Variants in POLR3C observed in about 807,000 individuals in gnomAD.
POLR3C encodes DNA-directed RNA polymerase III subunit RPC3.
In POLR3C, 44 loss-of-function variants were observed where a neutral mutation model predicts 65.9. The observed-to-expected ratio is 0.67, with a 90% CI of 0.52 to 0.86. POLR3C has a LOEUF of 0.86. Among genes scored for constraint, POLR3C ranks in the 40% least tolerant of loss-of-function variants. The pLI, the probability that POLR3C is intolerant of heterozygous loss-of-function variation, is 0.00. For synonymous variants in POLR3C, 263 were observed against 231.6 expected (o/e 1.14, Z -1.23); for missense variants, 576 against 653.2 (o/e 0.88, Z 1.29).
chr1:145,842,202 ACT>A, intron 14 of POLR3C, 135 bp from the exon 15 acceptor site: 1 of 611,580 alleles, frequency 1.6e-6, no homozygotes, highest in Non-Finnish European at 2.9e-6. Flanking sequence ...AAAATGATCT[ACT>A]GGTTCTCCTG....
rs782451212 is a variant in POLR3C at position 145,833,343 on chromosome 1, A to G, written c.762A>G (p.Ala254=). The change falls in exon 6 of 15, where the codon GCA becomes GCG. Residue 254 remains alanine (A), a synonymous_variant. Coordinates refer to ENST00000334163, the MANE Select transcript of POLR3C (RefSeq NM_006468.8). ...TCCGTGACCAAGCCATTGTGAGCGC[A>G]GTTGCTAACAGGATGGACCAGGTAA... is the stretch of plus-strand genomic sequence containing the variant. ...QHFRDQAIVS[A]VANRMDQTSS... is the part of the protein sequence containing the mutation. 3 of 1,611,390 alleles carry G rather than the reference A, an allele frequency of 1.9e-6. No individual in the cohort carries two copies. The highest frequency in any genetic ancestry group is 2.2e-5 in the South Asian group (2 of 90,954).
rs587718934 is a variant in POLR3C at position 145,829,447 on chromosome 1, T to A, written c.678+610T>A. On this transcript the variant is annotated intron_variant, in intron 5 of 14. Coordinates refer to ENST00000334163, the MANE Select transcript of POLR3C (RefSeq NM_006468.8). ...ACCATTTCTCATCTTTTCACTGCCA[T>A]CTCTCAACTCTTTGCAAACGCTTTC... is the stretch of plus-strand genomic sequence containing the variant. 2.0e-5 allele frequency among the ~76,000 whole-genome samples: 3 copies of A among 152,350 alleles called. No individual in the cohort carries two copies. In the South Asian group the frequency reaches 6.2e-4, roughly 32 times the overall value.
rs190301634 is a variant in POLR3C at position 145,829,950 on chromosome 1, T to A, written c.678+1113T>A. ...TATTTATAACTGGAATTATTTATTA[T>A]TTGTGTACATGTTTGTCTAAGAGGT... On this transcript the variant is annotated intron_variant, in intron 5 of 14. Coordinates refer to ENST00000334163, the MANE Select transcript of POLR3C (RefSeq NM_006468.8). Among the ~76,000 whole-genome samples, 8 of 152,344 alleles carry A rather than the reference T, an allele frequency of 5.3e-5. No homozygotes were observed. In the East Asian group the frequency reaches 1.5e-3, roughly 29 times the overall value.
intron 8 of POLR3C, 88 bp from the exon 9 acceptor site, chr1:145,836,727 T>C: frequency 1.0e-6 from 1 of 987,348 alleles, no homozygotes; most frequent in South Asian, 1.3e-5. Context: ...GAGGGCTACC[T>C]GCTGCAGACT....
At chr1:145,825,363 G>A (rs1482119927) in intron 1 of POLR3C, among the ~76,000 whole-genome samples, 1 of 152,112 alleles carries the variant, frequency 6.6e-6, no homozygotes, top group East Asian at 1.9e-4. Flanking sequence ...CGCCCACCTC[G>A]GTCTCCCAAA....
rs781937336 is a variant in POLR3C, at chr1:145,839,897, C to A, written c.1229C>A (p.Pro410His). Residue 410 changes from proline to histidine, a missense_variant, in exon 12 of 15, where the codon CCC becomes CAC. Pro to His is a moderately conservative substitution (Grantham distance 77, BLOSUM62 -2). Transcript: ENST00000334163. ...SENFMSLQEI[P>H]KTPDHAPSRT... ...TTTCTATTGGACAAATAGGAAATTC[C>A]CAAAACACCAGACCATGCCCCATCC... 1 of 1,586,596 alleles carries A rather than the reference C, an allele frequency of 6.3e-7. No individual in the cohort carries two copies. Among genetic ancestry groups the A allele is most frequent in the Non-Finnish European group, 8.7e-7 (1 of 1,155,272 alleles).
intron 11 of POLR3C, chr1:145,839,577 T>G (rs1652123625): frequency 4.4e-6 from 1 of 225,974 alleles, no homozygotes; most frequent in South Asian, 9.8e-5. Flanking sequence ...CCCAAAAGAT[T>G]AAAAAATTAG....
chr1:145,831,821 C>G (rs1455807263), intron 5 of POLR3C, among the ~76,000 whole-genome samples: 1 of 152,116 alleles, frequency 6.6e-6, no homozygotes, highest in Non-Finnish European at 1.5e-5. Flanking sequence ...GCGGGCAGAT[C>G]GCTTGAGCCT....
intron 13 of POLR3C, 112 bp from the exon 14 acceptor site, chr1:145,840,810 A>T: frequency 1.5e-6 from 1 of 656,486 alleles, no homozygotes; most frequent in Non-Finnish European, 2.6e-6. Flanking sequence ...AGGTGACATT[A>T]TCTACTTTGA....
chr1:145,831,531 AG>A (rs1202337212), intron 5 of POLR3C, among the ~76,000 whole-genome samples: 4 of 147,182 alleles, frequency 2.7e-5, no homozygotes, highest in African/African-American at 9.9e-5. Flanking sequence ...AAAAAAAAAA[AG>A]AGAGAGTTCT....
chr1:145,841,068 A>C lies in POLR3C; in HGVS notation c.1520A>C (p.Asn507Thr). The change falls in exon 14 of 15, where the codon AAC (asparagine) becomes ACC (threonine). Residue 507 changes from asparagine (N) to threonine (T), a missense_variant. Asn to Thr is a moderately conservative substitution (Grantham distance 65, BLOSUM62 0). Coordinates refer to ENST00000334163, the MANE Select transcript of POLR3C (RefSeq NM_006468.8). ...QQLETLKRNV[N>T]KLDASEIQVD... ...CTAGAGACCCTGAAACGTAATGTCA[A>C]CAAGTAAGCATCATAAACTTCAGAC... 6.2e-7 allele frequency: 1 copy of C among 1,613,482 alleles called. No individual in the cohort carries two copies. Among genetic ancestry groups the C allele is most frequent in the African/African-American group, 1.3e-5 (1 of 75,048 alleles).
chr1:145,831,371 C>A (rs949078916), intron 5 of POLR3C, among the ~76,000 whole-genome samples: 1 of 151,886 alleles, frequency 6.6e-6, no homozygotes, highest in African/African-American at 2.4e-5. Flanking sequence ...AAAAATTAGC[C>A]ATGCATGGTG....
At chr1:145,830,079 TC>T (rs1477054699) in intron 5 of POLR3C, among the ~76,000 whole-genome samples, 1 of 152,172 alleles carries the variant, frequency 6.6e-6, no homozygotes, top group East Asian at 1.9e-4. Flanking sequence ...GCACAGCAGT[TC>T]CTAACTTGTT....
intron 7 of POLR3C, among the ~76,000 whole-genome samples, chr1:145,835,191 G>C (rs145166092): frequency 6.8e-6 from 1 of 147,160 alleles, no homozygotes; most frequent in Non-Finnish European, 1.5e-5. Flanking sequence ...GCTCACACCC[G>C]TAATCCCAGT....
rs1382537671 is a variant in POLR3C, at chr1:145,843,142, C to T, written c.*722C>T. 6.6e-6 allele frequency among the ~76,000 whole-genome samples: 1 copy of T among 152,144 alleles called. No homozygotes were observed. Among genetic ancestry groups the T allele is most frequent in the Non-Finnish European group, 1.5e-5 (1 of 68,038 alleles). ...GGGTTAGCAGGTGGATTGTCCCAAG[C>T]AGTCACACTAGAATCTGTGGACTGA... On this transcript the variant is annotated 3_prime_UTR_variant, in exon 15 of 15. Transcript: ENST00000334163.
At position 145,833,251 on chromosome 1, in the gene POLR3C, T is replaced by C. The variant is rs9286837; in HGVS notation, c.679-9T>C. 5.0e-3 allele frequency: 7,832 copies of C among 1,555,550 alleles called. 326 individuals are homozygous for C. The African/African-American group carries it at 0.092, about 18-fold the overall frequency. On this transcript the variant is annotated splice_polypyrimidine_tract_variant and intron_variant, in intron 5 of 14. Coordinates refer to ENST00000334163, the MANE Select transcript of POLR3C (RefSeq NM_006468.8). ...TATAGCTAAATGTTTCTCTAAATCT[T>C]TTCCTCAGCCCATTCCAGATGATGG...
intron 5 of POLR3C, 42 bp downstream of exon 5, chr1:145,828,879 GC>G: frequency 9.8e-7 from 1 of 1,018,848 alleles, no homozygotes; most frequent in Non-Finnish European, 1.6e-6. Flanking sequence ...CCTGAAGCAG[GC>G]CAGAAAGAGC....
chr1:145,836,958 A>G (rs1245834389), intron 9 of POLR3C, 92 bp downstream of exon 9: 2 of 646,132 alleles, frequency 3.1e-6, no homozygotes, highest in Non-Finnish European at 5.4e-6. Context: ...AATGTTTATT[A>G]TACTAAATAA....
intron 11 of POLR3C, 39 bp from the exon 12 acceptor site, chr1:145,839,851 G>A: frequency 8.9e-7 from 1 of 1,123,636 alleles, no homozygotes; most frequent in Non-Finnish European, 1.4e-6. Context: ...TTCTAAAACA[G>A]TATAATTTCT....
Sources: allele counts gnomAD v4.1 joint callset (sites outside exome capture counted in the v4.1 genomes callset), GRCh38; gene constraint gnomAD v4.1.1; transcripts MANE v1.5; gene names NCBI Gene and HGNC (gene_info 2026-07-23, HGNC 2026-07-21).